Variants in THSD7A observed in about 807,000 individuals in gnomAD.
The protein encoded by THSD7A is thrombospondin type 1 domain containing 7A, also known as thrombospondin type-1 domain-containing protein 7A.
Under a neutral mutation model 231.3 loss-of-function variants are expected in THSD7A, and 96 were observed. That is an observed-to-expected ratio of 0.41 (90% CI 0.35 to 0.49). The LOEUF (loss-of-function observed/expected upper bound fraction) is 0.49, where lower values mean the gene tolerates loss of function less well. THSD7A is among the 20% of genes least tolerant of loss of function. The pLI is 0.05. For synonymous variants in THSD7A, 940 were observed against 743.3 expected (o/e 1.26, Z -4.30); for missense variants, 2,290 against 2,070.2 (o/e 1.11, Z -2.06).
intron 6 of THSD7A, among the ~76,000 whole-genome samples, chr7:11,508,662 T>G (rs1787660972): frequency 6.6e-6 from 1 of 152,222 alleles, no homozygotes; most frequent in Non-Finnish European, 1.5e-5. Flanking sequence ...CATTGAAGCA[T>G]TATTCACAAT....
At chr7:11,732,233 G>C (rs1781760074) in intron 1 of THSD7A, among the ~76,000 whole-genome samples, 1 of 151,646 alleles carries the variant, frequency 6.6e-6, no homozygotes, top group African/African-American at 2.4e-5. Context: ...AACACCCTTT[G>C]GTTATCCTAC....
intron 6 of THSD7A, among the ~76,000 whole-genome samples, chr7:11,513,354 G>A (rs1180327000): frequency 8.4e-6 from 1 of 118,740 alleles, no homozygotes; most frequent in East Asian, 2.2e-4. Context: ...AACTTTTCAA[G>A]AATAAAAAAA....
At chr7:11,728,481 C>T (rs1252482187) in intron 1 of THSD7A, among the ~76,000 whole-genome samples, 3 of 151,844 alleles carry the variant, frequency 2.0e-5, no homozygotes, top group South Asian at 4.2e-4. Context: ...ACAAAGTGTG[C>T]AAACTCAAAT....
At chr7:11,486,011 C>G (rs1268071273) in intron 6 of THSD7A, among the ~76,000 whole-genome samples, 1 of 152,200 alleles carries the variant, frequency 6.6e-6, no homozygotes, top group African/African-American at 2.4e-5. Flanking sequence ...AAATCTTCAG[C>G]ATTCCAGGCA....
In THSD7A at chr7:11,636,321, G is replaced by C. The variant is rs377308966; in HGVS notation, c.831C>G (p.Arg277=). ...HSRQVRQARR[R]GKNKEREKDR... ...CCTTTTCCCGTTCTTTATTCTTCCC[G>C]CGTCTCCTTGCTTGTCTTACTTGTC... Residue 277 remains arginine, a synonymous_variant, in exon 2 of 28, where the codon CGC becomes CGG. Transcript: ENST00000423059. This position sits in a 1 kb window ranked among gnomAD's most constrained non-coding sequence, Gnocchi z 10.0. 6.2e-7 allele frequency: 1 copy of C among 1,613,494 alleles called. No individual in the cohort carries two copies. Among genetic ancestry groups the C allele is most frequent in the African/African-American group, 1.3e-5 (1 of 74,792 alleles).
chr7:11,702,724 T>C (rs1584235495), intron 1 of THSD7A, among the ~76,000 whole-genome samples: 1 of 151,334 alleles, frequency 6.6e-6, no homozygotes, highest in South Asian at 2.1e-4. Flanking sequence ...TAATTATTTG[T>C]GTGTCAGTTC....
At position 11,373,752 on chromosome 7, in the gene THSD7A, GTATGA is replaced by G. The variant is rs956648597; in HGVS notation, c.*2037_*2041del. ...AACAGCAGGGGGAGTTCATACTCCA[GTATGA>G]AGGTAAAAATACCTTCTAATCCAAA... On this transcript the variant is annotated 3_prime_UTR_variant, in exon 28 of 28. Coordinates refer to ENST00000423059, the MANE Select transcript of THSD7A (RefSeq NM_015204.3). 6.6e-6 allele frequency: 1 copy of G among 152,034 alleles called. No individual in the cohort carries two copies. Among genetic ancestry groups the G allele is most frequent in the African/African-American group, 2.4e-5 (1 of 41,416 alleles). The allele number at this position is 152,034 out of a possible 1,614,324, so 9.4% of individuals were successfully genotyped here.
intron 6 of THSD7A, among the ~76,000 whole-genome samples, chr7:11,491,413 C>T (rs1296415409): frequency 1.2e-5 from 1 of 84,572 alleles, no homozygotes; most frequent in Middle Eastern, 5.7e-3. Flanking sequence ...TTCCTTTAGT[C>T]CCCTTTCTCT....
intron 1 of THSD7A, among the ~76,000 whole-genome samples, chr7:11,685,238 G>T (rs1779995760): frequency 6.6e-6 from 1 of 151,728 alleles, no homozygotes; most frequent in Admixed American, 6.6e-5. Context: ...ATGGATTAAA[G>T]ACTCAAATGT....
chr7:11,738,772 G>T (rs991074132), intron 1 of THSD7A, among the ~76,000 whole-genome samples: 1 of 151,976 alleles, frequency 6.6e-6, no homozygotes, highest in African/African-American at 2.4e-5. Context: ...AAGGTATGTA[G>T]GTGGCCTCTG....
intron 1 of THSD7A, among the ~76,000 whole-genome samples, chr7:11,714,420 C>T (rs1332290344): frequency 6.6e-6 from 1 of 151,152 alleles, no homozygotes; most frequent in African/African-American, 2.4e-5. Flanking sequence ...TACCTTAACC[C>T]TATGACACAC....
At chr7:11,475,908 T>C (rs567049483) in intron 7 of THSD7A, among the ~76,000 whole-genome samples, 11 of 150,006 alleles carry the variant, frequency 7.3e-5, no homozygotes, top group Non-Finnish European at 1.0e-4. Context: ...TCAGGTCATA[T>C]TGAACTTAAC....
chr7:11,773,944 G>A (rs904820521), intron 1 of THSD7A, among the ~76,000 whole-genome samples: 1 of 152,088 alleles, frequency 6.6e-6, no homozygotes, highest in African/African-American at 2.4e-5. Context: ...CACAGACACA[G>A]ATAAATGGCC....
chr7:11,688,530 G>A (rs971505861), intron 1 of THSD7A, among the ~76,000 whole-genome samples: 3 of 151,832 alleles, frequency 2.0e-5, no homozygotes, highest in Non-Finnish European at 4.4e-5. Flanking sequence ...TAGAAAAGAA[G>A]CGAGACTTCC....
At chr7:11,544,733 GA>G (rs1258460494) in intron 4 of THSD7A, among the ~76,000 whole-genome samples, 4 of 152,034 alleles carry the variant, frequency 2.6e-5, no homozygotes, top group African/African-American at 9.7e-5. Context: ...TTTTTGTTCT[GA>G]AAAATATTCT....
chr7:11,787,256 T>C (rs1783821065), intron 1 of THSD7A, among the ~76,000 whole-genome samples: 1 of 143,652 alleles, frequency 7.0e-6, no homozygotes, highest in Non-Finnish European at 1.5e-5. Flanking sequence ...TTCACAAAAA[T>C]TAACTCAAAA....
intron 6 of THSD7A, among the ~76,000 whole-genome samples, chr7:11,488,729 A>C (rs968914239): frequency 6.6e-6 from 1 of 152,002 alleles, no homozygotes; most frequent in Non-Finnish European, 1.5e-5. Flanking sequence ...TAGTCTCTCC[A>C]ATATATATTA....
chr7:11,472,870 T>C (rs1473708664), intron 8 of THSD7A, among the ~76,000 whole-genome samples: 1 of 152,128 alleles, frequency 6.6e-6, no homozygotes, highest in Admixed American at 6.6e-5. Flanking sequence ...CCACAACAGG[T>C]TGGTCCTGTG....
intron 6 of THSD7A, among the ~76,000 whole-genome samples, chr7:11,515,960 T>C (rs896840361): frequency 1.3e-5 from 2 of 152,176 alleles, no homozygotes; most frequent in African/African-American, 4.8e-5. Context: ...TCAATCATGA[T>C]TTAAAGTATA....
Sources: gnomAD v4.1 joint callset for allele counts (sites outside exome capture counted in the v4.1 genomes callset) on GRCh38, gnomAD v4.1.1 for gene constraint, Gnocchi (gnomAD v3.1) non-coding constraint, MANE v1.5 for transcripts, NCBI Gene and HGNC (gene_info 2026-07-23, HGNC 2026-07-21) for gene names.